DCST1: variants seen among roughly 807,000 people sequenced by gnomAD.
DCST1 encodes E3 ubiquitin-protein ligase DCST1.
DCST1 carries 78 observed loss-of-function variants against 89.1 expected under a neutral mutation model. The ratio of observed to expected loss-of-function variants is 0.88; its 90% CI spans 0.73 to 1.06. The LOEUF (loss-of-function observed/expected upper bound fraction) is 1.06. Among genes scored for constraint, DCST1 ranks in the 50% least tolerant of loss-of-function variants. The pLI, the probability that DCST1 is intolerant of heterozygous loss-of-function variation, is 0.00. For missense variants in DCST1, 900 were observed against 928.6 expected, an observed-to-expected ratio of 0.97 and a Z score of 0.40; for synonymous variants, 364 against 371.9, an observed-to-expected ratio of 0.98 and a Z score of 0.24.
Position 155,043,341 on chromosome 1 carries a change from C to T in DCST1, c.1015-11C>T, listed in dbSNP as rs1447600738. On this transcript the variant is annotated splice_polypyrimidine_tract_variant and intron_variant, in intron 9 of 16. Coordinates refer to ENST00000295542, the MANE Select transcript of DCST1 (RefSeq NM_152494.4). ...GCCGCAGGCTGAGTTTGCTCATGTG[C>T]CCTCCACCAGGAAGAGAAGCAGGCT... The T allele has an allele frequency of 2.5e-6, 4 of 1,613,876 alleles. No homozygotes were observed. The African/African-American group carries it at 4.0e-5, about 16-fold the overall frequency.
At chr1:155,050,531 T>A in intron 16 of DCST1, 86 bp from the exon 17 acceptor site, 1 of 1,450,432 alleles carries the variant, frequency 6.9e-7, no homozygotes. Context: ...TTGTCAGGCC[T>A]GGCGACTTCA....
intron 5 of DCST1, 131 bp from the exon 6 acceptor site, chr1:155,040,354 C>G: frequency 2.3e-6 from 2 of 865,828 alleles, no homozygotes; most frequent in Non-Finnish European, 3.2e-6. Flanking sequence ...AACAAGTTGA[C>G]CTTTCATAGG....
rs557844744 is a variant in DCST1 at position 155,038,737 on chromosome 1, G to A, written c.263-666G>A. ...GCCCCACCCCTCCCTGAAGAAATAC[G>A]TACTCCCTCCTTGGCTCCCACAGCG... On this transcript the variant is annotated intron_variant, in intron 4 of 16. Coordinates refer to ENST00000295542, the MANE Select transcript of DCST1 (RefSeq NM_152494.4). Among the ~76,000 whole-genome samples, 221 of 152,000 alleles carry A rather than the reference G, an allele frequency of 1.5e-3. 3 individuals carry two copies. Among genetic ancestry groups the A allele is most frequent in the Admixed American group, 0.013 (202 of 15,264 alleles).
rs769478414 is a variant in DCST1, at chr1:155,043,433, CAGG to C, written c.1100_1102del (p.Glu367del). On this transcript the variant is annotated inframe_deletion, in exon 10 of 17. Coordinates refer to ENST00000295542, the MANE Select transcript of DCST1 (RefSeq NM_152494.4). ...CGAGGTGCGGGACTACGTGTACCGC[CAGG>C]AGGCCCGGCTGGAGTGGGCCCTGGG... 4 of 1,613,446 alleles carry C rather than the reference CAGG, an allele frequency of 2.5e-6. No homozygotes were observed. In the Admixed American group the frequency reaches 6.7e-5, roughly 27 times the overall value.
Position 155,045,890 on chromosome 1 carries a change from C to T in DCST1, c.1173-3C>T. The T allele has an allele frequency of 1.2e-6, 2 of 1,612,970 alleles. No homozygotes were observed. Among genetic ancestry groups the T allele is most frequent in the Non-Finnish European group, 1.7e-6 (2 of 1,178,880 alleles). Reference sequence around the variant, plus strand: ...GGAGACATCCCTGCCCATCCACCCACAGGTCTTTCTCCTACATGGACAGCT... The same window carrying T: ...GGAGACATCCCTGCCCATCCACCCATAGGTCTTTCTCCTACATGGACAGCT... On this transcript the variant is annotated splice_polypyrimidine_tract_variant and splice_region_variant and intron_variant, in intron 10 of 16. Transcript: ENST00000295542.
Position 155,050,617 on chromosome 1 carries a change from C to T in DCST1, c.1870C>T (p.Arg624Cys). ...LRRERQQKAP[R>C]HPLADILHRG... ...GGCGCTAACGCCCACCTCCCAACAG[C>T]GCCACCCGCTGGCGGATATCCTGCA... Residue 624 changes from arginine (R) to cysteine (C), a missense_variant and splice_region_variant, in exon 17 of 17, where the codon CGC becomes TGC. Transcript: ENST00000295542. 1 of 1,577,708 alleles carries T rather than the reference C, an allele frequency of 6.3e-7. No homozygotes were observed.
At chr1:155,045,035 C>T (rs1354599249) in intron 10 of DCST1, among the ~76,000 whole-genome samples, 2 of 152,080 alleles carry the variant, frequency 1.3e-5, no homozygotes, top group Admixed American at 1.3e-4. Flanking sequence ...GGACAGCTGG[C>T]GGGAGGGCAG....
intron 4 of DCST1, among the ~76,000 whole-genome samples, chr1:155,038,740 C>T (rs769257598): frequency 6.6e-6 from 1 of 152,164 alleles, no homozygotes; most frequent in African/African-American, 2.4e-5. Context: ...GAAATACGTA[C>T]TCCCTCCTTG....
intron 10 of DCST1, 171 bp from the exon 11 acceptor site, chr1:155,045,722 A>T (rs1660597405): frequency 1.6e-6 from 1 of 625,380 alleles, no homozygotes; most frequent in Non-Finnish European, 2.9e-6. Flanking sequence ...GAAGGCAGGG[A>T]CAGAGTCTTC....
chr1:155,047,752 G>A (rs1405117972), intron 14 of DCST1, 35 bp from the exon 15 acceptor site: 1 of 1,605,652 alleles, frequency 6.2e-7, no homozygotes, highest in South Asian at 1.1e-5. Context: ...CCCTTGGCTG[G>A]TCCTGACCAG....
At chr1:155,039,768 G>A (rs1021806374) in intron 5 of DCST1, among the ~76,000 whole-genome samples, 1 of 151,928 alleles carries the variant, frequency 6.6e-6, no homozygotes, top group Admixed American at 6.6e-5. Context: ...GGAGGCTGAG[G>A]TGGGTGGATC....
At position 155,040,487 on chromosome 1, in the gene DCST1, C is replaced by A; in HGVS notation, c.394C>A (p.Pro132Thr). ...GYALAAIYVG[P>T]VANLRHNLNN... is the part of the protein sequence containing the mutation. ...CCAACCAGGGCCTCTTTCTCCAGGG[C>A]CAGTAGCCAATCTGCGACACAATCT... The change falls in exon 6 of 17, where the codon CCA becomes ACA. Residue 132 changes from proline (P) to threonine (T), a missense_variant and splice_region_variant. Transcript: ENST00000295542. The A allele has an allele frequency of 6.3e-7, 1 of 1,598,760 alleles. No individual in the cohort carries two copies. The highest frequency in any genetic ancestry group is 8.5e-7 in the Non-Finnish European group (1 of 1,172,072).
chr1:155,043,516 C>G lies in DCST1; in HGVS notation c.1172+7C>G, dbSNP rs1660504221. The G allele has an allele frequency of 6.4e-7, 1 of 1,570,890 alleles. No individual in the cohort carries two copies. On this transcript the variant is annotated splice_region_variant and intron_variant, in intron 10 of 16. Coordinates refer to ENST00000295542, the MANE Select transcript of DCST1 (RefSeq NM_152494.4). ...TCCTGCTGGTCCTGCATGCGTGAGCCATAGTCCCCACCCCAGCAGCCCCTC... is the reference window on the plus strand; with the variant it reads ...TCCTGCTGGTCCTGCATGCGTGAGCGATAGTCCCCACCCCAGCAGCCCCTC...
intron 7 of DCST1, 26 bp downstream of exon 7, chr1:155,041,639 G>A (rs764824640): frequency 1.9e-6 from 3 of 1,613,896 alleles, no homozygotes; most frequent in South Asian, 2.2e-5. Context: ...GGGGAGTGGA[G>A]GGTGGGGTGG....
intron 16 of DCST1, 168 bp from the exon 17 acceptor site, chr1:155,050,449 G>T: frequency 1.2e-6 from 1 of 837,218 alleles, no homozygotes; most frequent in Non-Finnish European, 1.8e-6. Context: ...CCATCACAGA[G>T]TTGGGGAGGG....
intron 16 of DCST1, chr1:155,049,059 C>T: frequency 1.4e-6 from 1 of 717,404 alleles, no homozygotes; most frequent in Admixed American, 2.0e-5. Context: ...GTAAGGCCTG[C>T]TCACTGGAGA....
At chr1:155,034,582 T>C in intron 3 of DCST1, 22 bp downstream of exon 3, 1 of 1,613,968 alleles carries the variant, frequency 6.2e-7, no homozygotes, top group Non-Finnish European at 8.5e-7. Context: ...AGCAGAAAGT[T>C]CGGGGTGGGC....
chr1:155,046,600 C>A, intron 13 of DCST1, 114 bp downstream of exon 13: 20 of 532,364 alleles, frequency 3.8e-5, no homozygotes, highest in Non-Finnish European at 5.0e-5. Context: ...CCTTCTGCCT[C>A]TTTTTTTTTT....
rs1660218924 is a variant in DCST1 at position 155,034,746 on chromosome 1, C to A, written c.262+19C>A. Reference sequence around the variant, plus strand: ...TTGGTGGGTTAGTGCTGGGCAAAAGCCAGGAACACTCAAGCGGCCTGTGGA... The same window carrying A: ...TTGGTGGGTTAGTGCTGGGCAAAAGACAGGAACACTCAAGCGGCCTGTGGA... On this transcript the variant is annotated intron_variant, in intron 4 of 16. Coordinates refer to ENST00000295542, the MANE Select transcript of DCST1 (RefSeq NM_152494.4). 3 of 1,613,666 alleles carry A rather than the reference C, an allele frequency of 1.9e-6. No homozygotes were observed. The highest frequency in any genetic ancestry group is 2.5e-6 in the Non-Finnish European group (3 of 1,179,810).
Sources: gnomAD v4.1 joint callset for allele counts (sites outside exome capture counted in the v4.1 genomes callset) on GRCh38, gnomAD v4.1.1 for gene constraint, MANE v1.5 for transcripts, NCBI Gene and HGNC (gene_info 2026-07-23, HGNC 2026-07-21) for gene names.